Variants in CACNA1C observed in about 807,000 individuals in gnomAD.
CACNA1C encodes voltage-dependent L-type calcium channel subunit alpha-1C.
Under a neutral mutation model 229.0 loss-of-function variants are expected in CACNA1C, and 30 were observed. The ratio of observed to expected loss-of-function variants is 0.13; its 90% CI spans 0.10 to 0.18. CACNA1C has a LOEUF of 0.18. Among genes scored for constraint, CACNA1C ranks in the 10% least tolerant of loss-of-function variants. The probability of loss-of-function intolerance (pLI) is 1.00; values close to 1 mark genes in which losing one functional copy is unlikely to be tolerated. For synonymous variants in CACNA1C, 1,114 were observed against 1,132.5 expected (o/e 0.98, Z 0.33); for missense variants, 1,658 against 2,845.0 (o/e 0.58, Z 9.49).
chr12:2,183,424 G>C (rs1327216046), intron 3 of CACNA1C, among the ~76,000 whole-genome samples: 1 of 152,222 alleles, frequency 6.6e-6, no homozygotes, highest in Non-Finnish European at 1.5e-5. Context: ...AGTTTGGGCT[G>C]CCTTCTCTAG....
chr12:2,048,211 T>C (rs1035817611), upstream of CACNA1C: 16 of 152,188 alleles, frequency 1.1e-4, no homozygotes, highest in Non-Finnish European at 1.6e-4. Flanking sequence ...TTCTGGGAAA[T>C]AGGTTCCAGC....
chr12:2,361,086 C>T (rs2097546409), intron 3 of CACNA1C, among the ~76,000 whole-genome samples: 1 of 151,454 alleles, frequency 6.6e-6, no homozygotes, highest in African/African-American at 2.4e-5. Flanking sequence ...CATGGGGAGA[C>T]TAGGAAGGTT....
chr12:2,037,933 T>C (rs1344042046), intron 1 of CACNA1C, among the ~76,000 whole-genome samples: 1 of 152,194 alleles, frequency 6.6e-6, no homozygotes, highest in African/African-American at 2.4e-5. Flanking sequence ...GAGTCCTTCT[T>C]GGTGGATTTC....
chr12:2,674,060 G>A (rs886732886), intron 38 of CACNA1C, among the ~76,000 whole-genome samples: 10 of 152,256 alleles, frequency 6.6e-5, no homozygotes, highest in African/African-American at 1.2e-4. Context: ...AGCCCTCATC[G>A]ACAGATGTAC....
chr12:2,295,599 T>C (rs2093964033), intron 3 of CACNA1C, among the ~76,000 whole-genome samples: 1 of 152,236 alleles, frequency 6.6e-6, no homozygotes, highest in African/African-American at 2.4e-5. Context: ...CGGGGCCAAA[T>C]AAATGCTAAG....
At chr12:2,008,241 C>T (rs2043811433) in intron 1 of CACNA1C, among the ~76,000 whole-genome samples, 1 of 152,168 alleles carries the variant, frequency 6.6e-6, no homozygotes, top group African/African-American at 2.4e-5. Context: ...CCCCAGCCTC[C>T]CAGGTAGCTG....
At chr12:2,129,356 A>G (rs772006810) in intron 3 of CACNA1C, among the ~76,000 whole-genome samples, 11 of 152,156 alleles carry the variant, frequency 7.2e-5, no homozygotes, top group Non-Finnish European at 1.5e-4. Flanking sequence ...CTCAGGGTTT[A>G]CTCACTAAAT....
Position 2,180,714 on chromosome 12 carries a change from C to T in CACNA1C, c.477+60284C>T, listed in dbSNP as rs117907374. 1.4e-4 allele frequency among the ~76,000 whole-genome samples: 22 copies of T among 152,230 alleles called. No individual in the cohort carries two copies. The East Asian group carries it at 2.3e-3, about 16-fold the overall frequency. On this transcript the variant is annotated intron_variant, in intron 3 of 46. Transcript: ENST00000399655. ...CAGGCAGATTGGGTTCTAATCACAG[C>T]GTGTCCCAGAATCAGCTGGGGACCT... is the stretch of plus-strand genomic sequence containing the variant.
intron 9 of CACNA1C, among the ~76,000 whole-genome samples, chr12:2,532,442 T>A (rs73046278): frequency 0.037 from 5,588 of 152,296 alleles, 141 homozygotes; most frequent in Middle Eastern, 0.082. Flanking sequence ...ATTATTGAGA[T>A]AGTAACAGGC....
chr12:2,379,368 G>A (rs936480496), intron 3 of CACNA1C, among the ~76,000 whole-genome samples: 16 of 152,114 alleles, frequency 1.1e-4, no homozygotes, highest in African/African-American at 3.6e-4. Flanking sequence ...TTAAGTAACC[G>A]TTCATATCCC....
At chr12:2,218,900 C>G (rs140192121) in intron 3 of CACNA1C, among the ~76,000 whole-genome samples, 13 of 152,148 alleles carry the variant, frequency 8.5e-5, no homozygotes, top group Admixed American at 8.5e-4. Context: ...TCACTGTATG[C>G]GTTGAATCTG....
At chr12:2,253,781 G>T (rs890914008) in intron 3 of CACNA1C, among the ~76,000 whole-genome samples, 1 of 152,166 alleles carries the variant, frequency 6.6e-6, no homozygotes, top group Non-Finnish European at 1.5e-5. Flanking sequence ...TCATTCTGAT[G>T]TCCAAAGTAT....
At chr12:2,198,781 G>A (rs1019990044) in intron 3 of CACNA1C, among the ~76,000 whole-genome samples, 11 of 152,070 alleles carry the variant, frequency 7.2e-5, no homozygotes, top group African/African-American at 1.2e-4. Context: ...TGCTGTGGCC[G>A]GCCCTCATTC....
rs1171817199 is a variant in CACNA1C, at chr12:2,029,476, C to T, written c.139+58275C>T. Among the ~76,000 whole-genome samples, 9 of 152,212 alleles carry T rather than the reference C, an allele frequency of 5.9e-5. No individual in the cohort carries two copies. Among genetic ancestry groups the T allele is most frequent in the Admixed American group, 4.6e-4 (7 of 15,278 alleles). ...CAGCCACCGCTCTGCTTTCTGTCTC[C>T]GTGGATTTACCTATTCTGTATTTTT... On this transcript the variant is annotated intron_variant, in intron 1 of 46. Transcript: ENST00000682462. This position sits in a 1 kb window ranked among gnomAD's most constrained non-coding sequence, Gnocchi z 4.9.
intron 18 of CACNA1C, among the ~76,000 whole-genome samples, chr12:2,591,633 G>C (rs1336852238): frequency 6.6e-6 from 1 of 152,152 alleles, no homozygotes; most frequent in African/African-American, 2.4e-5. Context: ...ATGAAGCGCA[G>C]CTCAAACAGA....
chr12:2,404,244 C>G (rs1436138450), intron 3 of CACNA1C, among the ~76,000 whole-genome samples: 1 of 152,210 alleles, frequency 6.6e-6, no homozygotes, highest in Non-Finnish European at 1.5e-5. Flanking sequence ...GCCCCATGCT[C>G]CTCAGGAATG....
At chr12:2,386,819 C>G (rs556093950) in intron 3 of CACNA1C, among the ~76,000 whole-genome samples, 9 of 152,314 alleles carry the variant, frequency 5.9e-5, no homozygotes, top group African/African-American at 2.2e-4. Flanking sequence ...ATGCTCAGTC[C>G]GTGTTTACTG....
intron 1 of CACNA1C, among the ~76,000 whole-genome samples, chr12:2,058,503 A>G (rs1263424626): frequency 6.6e-6 from 1 of 152,198 alleles, no homozygotes; most frequent in Admixed American, 6.5e-5. Flanking sequence ...AATGTTGGGC[A>G]CTGTGGAGGA....
At chr12:1,999,531 G>T (rs1392201917) in intron 1 of CACNA1C, among the ~76,000 whole-genome samples, 1 of 152,050 alleles carries the variant, frequency 6.6e-6, no homozygotes, top group Non-Finnish European at 1.5e-5. Flanking sequence ...GACCAGCCTG[G>T]GCAACATAGT....
Sources: gnomAD v4.1 joint callset for allele counts (sites outside exome capture counted in the v4.1 genomes callset) on GRCh38, gnomAD v4.1.1 for gene constraint, Gnocchi (gnomAD v3.1) non-coding constraint, MANE v1.5 for transcripts, NCBI Gene and HGNC (gene_info 2026-07-23, HGNC 2026-07-21) for gene names.